The following RBFOX1 variants were observed in gnomAD, a reference collection of about 807,000 sequenced individuals.
The protein encoded by RBFOX1 is RNA binding fox-1 homolog 1, also known as RNA binding protein fox-1 homolog 1.
A neutral mutation model predicts 57.7 loss-of-function variants in RBFOX1; 8 were observed. The ratio of observed to expected loss-of-function variants is 0.14; its 90% confidence interval spans 0.08 to 0.25. RBFOX1 has a LOEUF of 0.25. Ranked by LOEUF, RBFOX1 falls within the 10% of genes least tolerant of loss-of-function variation. RBFOX1 has a pLI of 1.00. For missense variants in RBFOX1, 611 were observed against 548.5 expected (o/e 1.11, Z -1.14); for synonymous variants, 326 against 222.4 (o/e 1.47, Z -4.15).
chr16:7,139,195 T>TGG (rs2072947832), intron 4 of RBFOX1, among the ~76,000 whole-genome samples: 2 of 149,890 alleles, frequency 1.3e-5, no homozygotes, highest in African/African-American at 5.1e-5. Context: ...TGTGTGTGTG[T>TGG]GTATGTGTGT....
At chr16:5,776,183 G>C (rs2054140853) in intron 3 of RBFOX1, among the ~76,000 whole-genome samples, 1 of 152,252 alleles carries the variant, frequency 6.6e-6, no homozygotes, top group Admixed American at 6.5e-5. Context: ...CTGTGTGAAG[G>C]CTGTTTGGGT....
At chr16:7,097,324 A>G (rs2061871103) in intron 4 of RBFOX1, among the ~76,000 whole-genome samples, 1 of 151,304 alleles carries the variant, frequency 6.6e-6, no homozygotes, top group Non-Finnish European at 1.5e-5. Flanking sequence ...GAGTATGGTC[A>G]GAGAGAGAGA....
intron 4 of RBFOX1, among the ~76,000 whole-genome samples, chr16:7,306,465 G>A (rs1358316179): frequency 6.6e-6 from 1 of 152,068 alleles, no homozygotes; most frequent in African/African-American, 2.4e-5. Context: ...ATAGATGGAG[G>A]GTGGATTTTG....
intron 2 of RBFOX1, among the ~76,000 whole-genome samples, chr16:6,611,333 G>C (rs2098048774): frequency 6.6e-6 from 1 of 152,186 alleles, no homozygotes; most frequent in African/African-American, 2.4e-5. Context: ...TTTTAGTAGA[G>C]ACAGGGTTTT....
chr16:6,874,638 C>A (rs1227308546), intron 3 of RBFOX1, among the ~76,000 whole-genome samples: 1 of 151,916 alleles, frequency 6.6e-6, no homozygotes, highest in Non-Finnish European at 1.5e-5. Context: ...GGCTTATCTC[C>A]CACTTACAAT....
At chr16:7,122,357 A>G (rs2067375767) in intron 4 of RBFOX1, among the ~76,000 whole-genome samples, 1 of 152,194 alleles carries the variant, frequency 6.6e-6, no homozygotes. Flanking sequence ...TAGTCACTTC[A>G]CTTAGAGTAT....
intron 3 of RBFOX1, among the ~76,000 whole-genome samples, chr16:5,667,076 A>G (rs1299693148): frequency 6.6e-6 from 1 of 152,166 alleles, no homozygotes; most frequent in Non-Finnish European, 1.5e-5. Context: ...CCTTCAGGAT[A>G]GGTCATTCCC....
chr16:6,131,909 A>G (rs2096632453), intron 1 of RBFOX1, among the ~76,000 whole-genome samples: 1 of 152,166 alleles, frequency 6.6e-6, no homozygotes, highest in African/African-American at 2.4e-5. Flanking sequence ...AAATTCACAA[A>G]ACACTTTGTA....
intron 2 of RBFOX1, among the ~76,000 whole-genome samples, chr16:6,562,946 C>G (rs1305600288): frequency 1.5e-5 from 2 of 137,602 alleles, no homozygotes; most frequent in Admixed American, 1.6e-4. Context: ...GGATGAGTCC[C>G]ACAGCCCTTT....
chr16:6,045,106 G>T (rs2095481550), intron 1 of RBFOX1, among the ~76,000 whole-genome samples: 1 of 152,164 alleles, frequency 6.6e-6, no homozygotes, highest in South Asian at 2.1e-4. Context: ...ACTAAAGCAG[G>T]GCTTCTCAAA....
At chr16:7,044,073 A>C (rs1597876955) in intron 3 of RBFOX1, among the ~76,000 whole-genome samples, 1 of 152,040 alleles carries the variant, frequency 6.6e-6, no homozygotes, top group South Asian at 2.1e-4. Context: ...CTTTTTCCCC[A>C]CCTAGACAAT....
chr16:6,923,402 G>A (rs960602238), intron 3 of RBFOX1, among the ~76,000 whole-genome samples: 5 of 152,098 alleles, frequency 3.3e-5, no homozygotes, highest in South Asian at 2.1e-4. Context: ...GCATGGTGGG[G>A]AACACTTGTA....
chr16:5,811,143 ATTTTTT>A (rs374827330), intron 3 of RBFOX1, among the ~76,000 whole-genome samples: 8 of 104,574 alleles, frequency 7.7e-5, no homozygotes, highest in Admixed American at 2.4e-4. Context: ...TATGGAACAA[ATTTTTT>A]TTTTTTTTTT....
intron 1 of RBFOX1, among the ~76,000 whole-genome samples, chr16:6,274,273 A>G (rs938679004): frequency 6.6e-6 from 1 of 152,198 alleles, no homozygotes; most frequent in Non-Finnish European, 1.5e-5. Context: ...CTTTATTCAT[A>G]ATAGATAGAA....
chr16:6,386,597 A>T (rs1345458134), intron 2 of RBFOX1, among the ~76,000 whole-genome samples: 2 of 152,244 alleles, frequency 1.3e-5, no homozygotes, highest in African/African-American at 4.8e-5. Flanking sequence ...AAGCCATCAC[A>T]GGTGGTAAGA....
At chr16:7,010,941 G>A (rs545846433) in intron 3 of RBFOX1, among the ~76,000 whole-genome samples, 4 of 152,332 alleles carry the variant, frequency 2.6e-5, no homozygotes, top group African/African-American at 9.6e-5. Flanking sequence ...GTGAGTCTTA[G>A]CAGGGCCTTG....
chr16:7,357,612 G>A (rs1172662068), intron 4 of RBFOX1, among the ~76,000 whole-genome samples: 1 of 151,974 alleles, frequency 6.6e-6, no homozygotes, highest in Non-Finnish European at 1.5e-5. Flanking sequence ...CCATCTTCCT[G>A]GACTCTGAAC....
chr16:5,337,445 C>A (rs766744616), intron 1 of RBFOX1, among the ~76,000 whole-genome samples: 6 of 152,120 alleles, frequency 3.9e-5, no homozygotes, highest in Non-Finnish European at 7.4e-5. Context: ...TTTATAGACC[C>A]TCTAAAATAT....
chr16:6,358,647 A>G (rs2087828152), intron 2 of RBFOX1, among the ~76,000 whole-genome samples: 1 of 152,262 alleles, frequency 6.6e-6, no homozygotes, highest in African/African-American at 2.4e-5. Context: ...GGTAGATACT[A>G]TTATTCATTT....
Sources: gnomAD v4.1 joint callset for allele counts (sites outside exome capture counted in the v4.1 genomes callset) on GRCh38, gnomAD v4.1.1 for gene constraint, MANE v1.5 for transcripts, NCBI Gene and HGNC (gene_info 2026-07-23, HGNC 2026-07-21) for gene names.